The following ARL15 variants were observed in gnomAD, a reference collection of about 807,000 sequenced individuals.
ARL15 encodes ARF like GTPase 15, also known as ADP-ribosylation factor-like protein 15.
In ARL15, 19 loss-of-function variants were observed where a neutral mutation model predicts 25.2. The observed-to-expected ratio is 0.75, with a 90% CI of 0.53 to 1.10. ARL15 has a LOEUF of 1.10. Among genes scored for constraint, ARL15 ranks in the 50% least tolerant of loss-of-function variants. ARL15 has a pLI of 0.00. For synonymous variants in ARL15, 94 were observed against 86.8 expected, an observed-to-expected ratio of 1.08 and a Z score of -0.46; for missense variants, 220 against 246.0, an observed-to-expected ratio of 0.89 and a Z score of 0.71.
At chr5:53,943,356 G>C (rs1746609622) in intron 4 of ARL15, among the ~76,000 whole-genome samples, 1 of 152,152 alleles carries the variant, frequency 6.6e-6, no homozygotes, top group Non-Finnish European at 1.5e-5. Flanking sequence ...AGGGAAACAG[G>C]GAGTGAGGTC....
At position 53,886,643 on chromosome 5, in the gene ARL15, T is replaced by TC; in HGVS notation, c.532dup (p.Asp178GlyfsTer2). 1 of 1,574,654 alleles carries TC rather than the reference T, an allele frequency of 6.4e-7. No homozygotes were observed. Among genetic ancestry groups the TC allele is most frequent in the Non-Finnish European group, 8.6e-7 (1 of 1,158,398 alleles). On this transcript the variant is annotated frameshift_variant, in exon 5 of 5. Coordinates refer to ENST00000504924, the MANE Select transcript of ARL15 (RefSeq NM_019087.3). LOFTEE classifies it high-confidence loss of function. ...GCTGTCTTTCAGTGCATCCATGTCATCCAGTGAGCAGGGCTGTAGAATCCA... is the reference window on the plus strand; with the variant it reads ...GCTGTCTTTCAGTGCATCCATGTCATCCCAGTGAGCAGGGCTGTAGAATCCA...
At chr5:54,194,066 C>G (rs572452763) in intron 1 of ARL15, among the ~76,000 whole-genome samples, 1 of 152,086 alleles carries the variant, frequency 6.6e-6, no homozygotes. Context: ...AAATCCTAAT[C>G]GCCATGCATT....
intron 4 of ARL15, among the ~76,000 whole-genome samples, chr5:54,005,885 C>CA (rs1749021364): frequency 6.8e-6 from 1 of 147,454 alleles, no homozygotes. Flanking sequence ...CAAAAAAACC[C>CA]AAAAATAGCC....
intron 4 of ARL15, among the ~76,000 whole-genome samples, chr5:54,078,273 C>T (rs1751674779): frequency 1.3e-5 from 2 of 152,138 alleles, no homozygotes; most frequent in Admixed American, 6.5e-5. Context: ...TTAGGATATA[C>T]GTTGTGCTTA....
At chr5:54,062,003 C>T (rs539010630) in intron 4 of ARL15, among the ~76,000 whole-genome samples, 24 of 152,264 alleles carry the variant, frequency 1.6e-4, no homozygotes, top group African/African-American at 4.8e-4. Context: ...TGCATCTGTG[C>T]GACCTGGATA....
chr5:54,153,897 A>T (rs1320500732), intron 3 of ARL15, among the ~76,000 whole-genome samples: 1 of 152,190 alleles, frequency 6.6e-6, no homozygotes, highest in Non-Finnish European at 1.5e-5. Flanking sequence ...CTCTCTCCTA[A>T]GTCATTAAAC....
At chr5:54,009,948 GA>G (rs1749178247) in intron 4 of ARL15, among the ~76,000 whole-genome samples, 1 of 150,590 alleles carries the variant, frequency 6.6e-6, no homozygotes, top group African/African-American at 2.4e-5. Flanking sequence ...AGAAAGGGAG[GA>G]AAGGGCAGGC....
chr5:54,202,270 C>T (rs1282646188), intron 1 of ARL15, among the ~76,000 whole-genome samples: 4 of 152,156 alleles, frequency 2.6e-5, no homozygotes, highest in African/African-American at 7.2e-5. Context: ...GAACCTGTGA[C>T]TGTTACGTTA....
At chr5:54,215,873 T>C (rs990825740) in intron 1 of ARL15, among the ~76,000 whole-genome samples, 5 of 152,150 alleles carry the variant, frequency 3.3e-5, no homozygotes, top group African/African-American at 1.2e-4. Context: ...TTACATTATA[T>C]TGGTCTGAGC....
intron 1 of ARL15, among the ~76,000 whole-genome samples, chr5:54,176,653 A>C (rs1561254003): frequency 6.6e-6 from 1 of 152,140 alleles, no homozygotes; most frequent in Non-Finnish European, 1.5e-5. Flanking sequence ...CCAAACACTA[A>C]GGCATTGTGT....
intron 1 of ARL15, among the ~76,000 whole-genome samples, chr5:54,304,886 A>C (rs185546304): frequency 6.6e-6 from 1 of 152,304 alleles, no homozygotes; most frequent in Admixed American, 6.5e-5. Flanking sequence ...TTCACAGATA[A>C]CTGAACATAA....
At chr5:54,182,103 G>A (rs1360018292) in intron 1 of ARL15, among the ~76,000 whole-genome samples, 2 of 62,952 alleles carry the variant, frequency 3.2e-5, no homozygotes, top group Non-Finnish European at 6.0e-5. Flanking sequence ...TAGGTTGCCT[G>A]TTCACTCTGA....
At chr5:54,283,565 C>T (rs1322789459) in intron 1 of ARL15, among the ~76,000 whole-genome samples, 1 of 51,596 alleles carries the variant, frequency 1.9e-5, no homozygotes, top group Non-Finnish European at 3.6e-5. Flanking sequence ...ATGAAATACA[C>T]TACTGAAAAC....
intron 4 of ARL15, among the ~76,000 whole-genome samples, chr5:53,896,810 C>G (rs1744889273): frequency 1.3e-5 from 2 of 152,156 alleles, no homozygotes; most frequent in Admixed American, 6.5e-5. Flanking sequence ...ACTTGGGTTG[C>G]TTTTCAATCA....
intron 1 of ARL15, among the ~76,000 whole-genome samples, chr5:54,259,752 G>C (rs1345825571): frequency 6.6e-6 from 1 of 152,140 alleles, no homozygotes; most frequent in African/African-American, 2.4e-5. Context: ...AGGACAATCA[G>C]CAGTATACAA....
At chr5:54,098,870 C>T (rs73114730) in intron 4 of ARL15, among the ~76,000 whole-genome samples, 13 of 152,278 alleles carry the variant, frequency 8.5e-5, no homozygotes, top group African/African-American at 3.1e-4. Flanking sequence ...TCCAAAAACA[C>T]TTGAAAAGCA....
intron 4 of ARL15, among the ~76,000 whole-genome samples, chr5:53,913,847 T>G (rs2111988214): frequency 6.6e-6 from 1 of 152,314 alleles, no homozygotes; most frequent in Non-Finnish European, 1.5e-5. Context: ...GTTTTATCAC[T>G]CTAATGGTAT....
intron 4 of ARL15, among the ~76,000 whole-genome samples, chr5:54,072,390 T>C (rs1230103256): frequency 6.6e-6 from 1 of 152,098 alleles, no homozygotes; most frequent in African/African-American, 2.4e-5. Flanking sequence ...AGGACACACA[T>C]GGTTGGCAAT....
intron 1 of ARL15, among the ~76,000 whole-genome samples, chr5:54,218,839 C>T (rs576955300): frequency 4.3e-4 from 66 of 152,244 alleles, no homozygotes; most frequent in African/African-American, 1.5e-3. Flanking sequence ...AATATAAAGA[C>T]TCTTTAACCT....
Sources: allele counts gnomAD v4.1 joint callset (sites outside exome capture counted in the v4.1 genomes callset), GRCh38; gene constraint gnomAD v4.1.1; transcripts MANE v1.5; gene names NCBI Gene and HGNC (gene_info 2026-07-23, HGNC 2026-07-21).